Variants in PAPPA observed in about 807,000 individuals in gnomAD.
PAPPA encodes pappalysin 1, also known as pappalysin-1.
Under a neutral mutation model 164.0 loss-of-function variants are expected in PAPPA, and 60 were observed. The ratio of observed to expected loss-of-function variants is 0.37; its 90% CI spans 0.30 to 0.45. The LOEUF is 0.45. PAPPA is among the 20% of genes least tolerant of loss of function. The pLI, the probability that PAPPA is intolerant of heterozygous loss-of-function variation, is 1.00. For synonymous variants in PAPPA, 875 were observed against 814.1 expected, an observed-to-expected ratio of 1.07 and a Z score of -1.27; for missense variants, 1,782 against 2,087.3, an observed-to-expected ratio of 0.85 and a Z score of 2.85.
Position 116,334,847 on chromosome 9 carries a change from G to C in PAPPA, c.3398-14G>C, listed in dbSNP as rs757060592. ...ATGAGCCTGGCCCCTCGGCCCCTCT[G>C]TCTCCCCTGACAGGCCTCCATGTCC... On this transcript the variant is annotated splice_polypyrimidine_tract_variant and intron_variant, in intron 12 of 21. Transcript: ENST00000328252. 3 of 1,608,404 alleles carry C rather than the reference G, an allele frequency of 1.9e-6. No homozygotes were observed. In the African/African-American group the frequency reaches 4.0e-5, roughly 21 times the overall value.
intron 8 of PAPPA, among the ~76,000 whole-genome samples, chr9:116,267,786 A>T (rs1845086119): frequency 1.3e-5 from 2 of 150,340 alleles, no homozygotes; most frequent in Admixed American, 1.3e-4. Flanking sequence ...GAGGCAGAAG[A>T]ATGGCGTGAA....
Position 116,176,357 on chromosome 9 carries a change from T to C in PAPPA, c.416-10797T>C, listed in dbSNP as rs759913245. Among the ~76,000 whole-genome samples the C allele has an allele frequency of 4.9e-4, 74 of 152,222 alleles. 1 individual carries two copies. The highest frequency in any genetic ancestry group is 7.2e-4 in the Admixed American group (11 of 15,290). On this transcript the variant is annotated intron_variant, in intron 1 of 21. Coordinates refer to ENST00000328252, the MANE Select transcript of PAPPA (RefSeq NM_002581.5). Reference sequence around the variant, plus strand: ...AAATAGGATTTTAGGAAGATGAATCTGGTGATGCTTCACAGGCTGTATAAG... The same window carrying C: ...AAATAGGATTTTAGGAAGATGAATCCGGTGATGCTTCACAGGCTGTATAAG...
intron 2 of PAPPA, among the ~76,000 whole-genome samples, chr9:116,199,587 CT>C (rs1844147201): frequency 6.6e-6 from 1 of 152,164 alleles, no homozygotes; most frequent in Non-Finnish European, 1.5e-5. Flanking sequence ...ATTTTATCCT[CT>C]TACATAAAAT....
At chr9:116,177,813 G>A (rs1843854900) in intron 1 of PAPPA, among the ~76,000 whole-genome samples, 2 of 152,156 alleles carry the variant, frequency 1.3e-5, no homozygotes, top group African/African-American at 4.8e-5. Context: ...AACTTTCAAG[G>A]ATGAACAATA....
At chr9:116,361,615 A>G (rs1846427591) in intron 17 of PAPPA, among the ~76,000 whole-genome samples, 1 of 152,146 alleles carries the variant, frequency 6.6e-6, no homozygotes, top group African/African-American at 2.4e-5. Context: ...CTCCTCTAAG[A>G]GGCCTTCCCT....
intron 19 of PAPPA, among the ~76,000 whole-genome samples, chr9:116,376,451 C>G (rs528519973): frequency 1.1e-4 from 16 of 152,132 alleles, no homozygotes; most frequent in Non-Finnish European, 1.8e-4. Context: ...TTTATTAAAT[C>G]ATTTCTGAAA....
chr9:116,359,366 G>A (rs964428905), intron 17 of PAPPA, among the ~76,000 whole-genome samples: 3 of 152,260 alleles, frequency 2.0e-5, no homozygotes, highest in East Asian at 3.9e-4. Context: ...CTCAATATGC[G>A]CTTGTAAAAA....
chr9:116,235,630 G>A lies in PAPPA; in HGVS notation c.2725G>A (p.Val909Ile), dbSNP rs199874720. The change falls in exon 7 of 22, where the codon GTA becomes ATA. Residue 909 changes from valine to isoleucine, a missense_variant. Transcript: ENST00000328252. ...ASILHLNRKF[V>I]DMDLNLGSVY... The stretch of plus-strand genomic sequence containing the variant: ...CATCCTACATCTCAATAGGAAATTC[G>A]TAGACATGTAAGTGCATTCTCTGAA... 1.6e-5 allele frequency: 25 copies of A among 1,612,876 alleles called. No individual in the cohort carries two copies. The highest frequency in any genetic ancestry group is 6.7e-5 in the Admixed American group (4 of 59,994).
chr9:116,265,818 A>T, intron 7 of PAPPA, 39 bp from the exon 8 acceptor site: 4 of 1,544,540 alleles, frequency 2.6e-6, no homozygotes, highest in Non-Finnish European at 3.6e-6. Context: ...TCTGCCCAGT[A>T]TTGTAATTGT....
At chr9:116,377,210 G>A (rs10817880) in intron 19 of PAPPA, among the ~76,000 whole-genome samples, 108,989 of 150,906 alleles carry the variant, frequency 0.72, 39,581 homozygotes, top group African/African-American at 0.81. Flanking sequence ...ACACACATGC[G>A]CACACACACA....
chr9:116,295,235 A>T (rs1013058408), intron 9 of PAPPA, among the ~76,000 whole-genome samples: 3 of 152,164 alleles, frequency 2.0e-5, no homozygotes. Flanking sequence ...AGGGTAATCA[A>T]CTATTTTGCT....
intron 8 of PAPPA, among the ~76,000 whole-genome samples, chr9:116,267,599 T>C (rs1026947618): frequency 1.3e-5 from 2 of 151,718 alleles, no homozygotes; most frequent in African/African-American, 2.4e-5. Context: ...GGCGGCCGGG[T>C]GCGGTGGCTC....
intron 21 of PAPPA, among the ~76,000 whole-genome samples, chr9:116,388,626 T>C (rs1386789834): frequency 6.6e-6 from 1 of 152,176 alleles, no homozygotes; most frequent in Non-Finnish European, 1.5e-5. Context: ...TGTTTTGATA[T>C]TTGAATTAGA....
At position 116,271,790 on chromosome 9, in the gene PAPPA, C is replaced by T. The variant is rs973538293; in HGVS notation, c.2953+374C>T. Among the ~76,000 whole-genome samples, 1 of 152,100 alleles carries T rather than the reference C, an allele frequency of 6.6e-6. No homozygotes were observed. The highest frequency in any genetic ancestry group is 1.5e-5 in the Non-Finnish European group (1 of 68,012). On this transcript the variant is annotated intron_variant, in intron 9 of 21. Coordinates refer to ENST00000328252, the MANE Select transcript of PAPPA (RefSeq NM_002581.5). This position sits in a 1 kb window ranked among gnomAD's most constrained non-coding sequence, Gnocchi z 4.2. ...ACTTCAGAGATAAGAAAAAATCAAA[C>T]GCCAGAAAAATTTCAAAAGTTGTCC... is the stretch of plus-strand genomic sequence containing the variant.
At chr9:116,160,071 G>A (rs915047231) in intron 1 of PAPPA, among the ~76,000 whole-genome samples, 32 of 152,182 alleles carry the variant, frequency 2.1e-4, no homozygotes, top group African/African-American at 7.0e-4. Context: ...GGGAACGGGT[G>A]TTTCCCAAAG....
intron 10 of PAPPA, chr9:116,316,500 A>G (rs1694634339): frequency 6.6e-6 from 1 of 152,226 alleles, no homozygotes; most frequent in Non-Finnish European, 1.5e-5. Context: ...GGCTGCCACT[A>G]GGGAAAAGCA....
chr9:116,197,757 G>A (rs918736568), intron 2 of PAPPA, among the ~76,000 whole-genome samples: 28 of 152,266 alleles, frequency 1.8e-4, no homozygotes, highest in African/African-American at 6.5e-4. Flanking sequence ...GGCCTGTATT[G>A]TTTTAATTTT....
At chr9:116,334,690 G>C (rs576165111) in intron 12 of PAPPA, among the ~76,000 whole-genome samples, 171 bp from the exon 13 acceptor site, 1 of 152,152 alleles carries the variant, frequency 6.6e-6, no homozygotes, top group African/African-American at 2.4e-5. Context: ...AAGAAAAAAA[G>C]GCAGACAAAG....
chr9:116,382,374 T>G (rs1157204719), intron 20 of PAPPA, 21 bp from the exon 21 acceptor site: 1 of 1,542,566 alleles, frequency 6.5e-7, no homozygotes, highest in Non-Finnish European at 9.0e-7. Context: ...CCTCATTTCC[T>G]CCTTCTGTCT....
Sources: gnomAD v4.1 joint callset for allele counts (sites outside exome capture counted in the v4.1 genomes callset) on GRCh38, gnomAD v4.1.1 for gene constraint, Gnocchi (gnomAD v3.1) non-coding constraint, MANE v1.5 for transcripts, NCBI Gene and HGNC (gene_info 2026-07-23, HGNC 2026-07-21) for gene names.